CDH12: variants seen among roughly 807,000 people sequenced by gnomAD.
The protein encoded by CDH12 is cadherin 12, also known as cadherin-12.
In CDH12, 41 loss-of-function variants were observed where a neutral mutation model predicts 74.1. That is an observed-to-expected ratio of 0.55 (90% CI 0.43 to 0.72). The LOEUF (loss-of-function observed/expected upper bound fraction) is 0.72, where lower values mean the gene tolerates loss of function less well. Ranked by LOEUF, CDH12 falls within the 30% of genes least tolerant of loss-of-function variation. CDH12 has a pLI of 0.00. For synonymous variants in CDH12, 399 were observed against 355.0 expected (o/e 1.12, Z -1.39); for missense variants, 945 against 977.2 (o/e 0.97, Z 0.44).
At chr5:22,207,404 T>C (rs1166004548) in intron 4 of CDH12, among the ~76,000 whole-genome samples, 1 of 152,168 alleles carries the variant, frequency 6.6e-6, no homozygotes, top group East Asian at 1.9e-4. Context: ...TGTTCTACTA[T>C]TCAACTCTGG....
chr5:21,880,447 TTTCC>T (rs1342100534), intron 6 of CDH12, among the ~76,000 whole-genome samples: 31 of 146,734 alleles, frequency 2.1e-4, no homozygotes, highest in African/African-American at 5.9e-4. Context: ...TCCTTCCTTC[TTTCC>T]TTCCTTCCTT....
chr5:22,670,773 C>T (rs1021953283), intron 1 of CDH12, among the ~76,000 whole-genome samples: 5 of 151,910 alleles, frequency 3.3e-5, no homozygotes, highest in African/African-American at 9.7e-5. Context: ...TCCTCAGTAA[C>T]GTAGGTGTTT....
chr5:22,760,918 T>C (rs1213075176), intron 1 of CDH12, among the ~76,000 whole-genome samples: 1 of 152,086 alleles, frequency 6.6e-6, no homozygotes, highest in Non-Finnish European at 1.5e-5. Flanking sequence ...AAACCCCACT[T>C]TTTTTATTGA....
Position 22,511,307 on chromosome 5 carries a change from GA to G in CDH12, c.-522-5944del, listed in dbSNP as rs1736596621. ...TTTAAAGCTAAACTTGCAAAGAAAA[GA>G]AAAGCTATGTCATTGACTATGAGAA... On this transcript the variant is annotated intron_variant, in intron 1 of 14. Transcript: ENST00000382254. Among the ~76,000 whole-genome samples, 8 of 152,142 alleles carry G rather than the reference GA, an allele frequency of 5.3e-5. No homozygotes were observed. The South Asian group carries it at 1.5e-3, about 28-fold the overall frequency.
At chr5:22,396,044 G>T (rs1437434533) in intron 3 of CDH12, among the ~76,000 whole-genome samples, 1 of 144,930 alleles carries the variant, frequency 6.9e-6, no homozygotes, top group Non-Finnish European at 1.5e-5. Flanking sequence ...GATTCATGAT[G>T]ATTGAATCCT....
intron 14 of CDH12, among the ~76,000 whole-genome samples, chr5:21,752,498 T>G (rs1744154157): frequency 6.6e-6 from 1 of 152,070 alleles, no homozygotes; most frequent in Non-Finnish European, 1.5e-5. Context: ...CTGGTAAAAG[T>G]GTGTGTTGCA....
intron 4 of CDH12, among the ~76,000 whole-genome samples, chr5:22,201,144 G>A (rs1249028068): frequency 6.6e-6 from 1 of 152,150 alleles, no homozygotes; most frequent in Non-Finnish European, 1.5e-5. Context: ...GTCATAGACT[G>A]CTTGAGATTA....
intron 1 of CDH12, among the ~76,000 whole-genome samples, chr5:22,830,630 A>G (rs1476566164): frequency 6.6e-6 from 1 of 151,732 alleles, no homozygotes; most frequent in Non-Finnish European, 1.5e-5. Context: ...ACATCTTTCT[A>G]TATTTTCTGT....
chr5:22,319,945 G>T (rs568962843), intron 3 of CDH12, among the ~76,000 whole-genome samples: 2 of 152,078 alleles, frequency 1.3e-5, no homozygotes, highest in Non-Finnish European at 2.9e-5. Flanking sequence ...AGAGACGGGA[G>T]CAGGAGAAGG....
chr5:22,823,131 G>A (rs1480085046), intron 1 of CDH12, among the ~76,000 whole-genome samples: 4 of 150,736 alleles, frequency 2.7e-5, no homozygotes, highest in African/African-American at 7.3e-5. Context: ...ACTATCGCAA[G>A]GACAAAAAAC....
At chr5:22,090,568 C>T (rs1743352862) in intron 4 of CDH12, among the ~76,000 whole-genome samples, 1 of 150,532 alleles carries the variant, frequency 6.6e-6, no homozygotes. Flanking sequence ...TGAAATCCAA[C>T]CAACACTTGA....
intron 1 of CDH12, chr5:22,580,321 G>T: frequency 2.3e-6 from 1 of 427,782 alleles, no homozygotes; most frequent in South Asian, 1.8e-5. Flanking sequence ...GCAAACAAGT[G>T]GTGCTTGCAC....
intron 2 of CDH12, among the ~76,000 whole-genome samples, chr5:22,447,867 C>G (rs1402472638): frequency 6.6e-6 from 1 of 151,118 alleles, no homozygotes; most frequent in Non-Finnish European, 1.5e-5. Flanking sequence ...TTAGGCTGAG[C>G]ATGGTGGCTC....
chr5:22,075,622 TTATA>T (rs1336516717), intron 5 of CDH12, among the ~76,000 whole-genome samples: 4 of 152,114 alleles, frequency 2.6e-5, no homozygotes, highest in Non-Finnish European at 4.4e-5. Flanking sequence ...CATGTTTATG[TTATA>T]TGTATTCTAA....
chr5:22,563,422 C>T (rs1739153702), intron 1 of CDH12, among the ~76,000 whole-genome samples: 1 of 151,906 alleles, frequency 6.6e-6, no homozygotes, highest in Non-Finnish European at 1.5e-5. Flanking sequence ...TTTTAAAAAT[C>T]CAATTGTATT....
At chr5:22,471,513 C>A (rs1311711420) in intron 2 of CDH12, among the ~76,000 whole-genome samples, 1 of 152,014 alleles carries the variant, frequency 6.6e-6, no homozygotes, top group Non-Finnish European at 1.5e-5. Context: ...TTTCTTGATC[C>A]CCCATTTCCA....
At chr5:22,254,671 T>TA (rs1200449759) in intron 3 of CDH12, among the ~76,000 whole-genome samples, 10 of 151,658 alleles carry the variant, frequency 6.6e-5, no homozygotes, top group African/African-American at 1.7e-4. Flanking sequence ...AAATAAAAGT[T>TA]AAAAAAAATC....
At chr5:22,064,931 T>C (rs984295298) in intron 5 of CDH12, among the ~76,000 whole-genome samples, 7 of 152,308 alleles carry the variant, frequency 4.6e-5, no homozygotes, top group Admixed American at 1.3e-4. Flanking sequence ...AGCCTATGTG[T>C]CTGCTGTTAA....
rs1311332830 is a variant in CDH12 at position 21,842,223 on chromosome 5, C to T, written c.752G>A (p.Gly251Glu). 1.2e-6 allele frequency: 2 copies of T among 1,613,252 alleles called. No homozygotes were observed. Among genetic ancestry groups the T allele is most frequent in the Non-Finnish European group, 1.7e-6 (2 of 1,179,664 alleles). The change falls in exon 8 of 15, where the codon GGA becomes GAA. Residue 251 changes from glycine (G) to glutamate (E), a missense_variant. Physicochemically the swap from Gly to Glu is moderately conservative, Grantham distance 98. Around this residue, in one of 3 missense-constraint regions of CDH12, gnomAD observed 791 missense variants for 792.8 expected, o/e 1.00. Coordinates refer to ENST00000382254, the MANE Select transcript of CDH12 (RefSeq NM_004061.5). ...GAGAGTGATGTTGACTATTGTTGTTCCGGCTAATCCTCCAAGCTGTCCTCC... is the reference window on the plus strand; with the variant it reads ...GAGAGTGATGTTGACTATTGTTGTTTCGGCTAATCCTCCAAGCTGTCCTCC... ...DMGGQLGGLA[G>E]TTIVNITLTD...
Sources: allele counts gnomAD v4.1 joint callset (sites outside exome capture counted in the v4.1 genomes callset), GRCh38; gene constraint gnomAD v4.1.1; regional missense constraint gnomAD v4.1.1; transcripts MANE v1.5; gene names NCBI Gene and HGNC (gene_info 2026-07-23, HGNC 2026-07-21).